Variants in DNAAF5 observed in about 807,000 individuals in gnomAD.
DNAAF5 encodes dynein axonemal assembly factor 5, also known as HEAT repeat containing 2.
DNAAF5 carries 64 observed loss-of-function variants against 75.8 expected under a neutral mutation model. The ratio of observed to expected loss-of-function variants is 0.84; its 90% confidence interval spans 0.69 to 1.04. The LOEUF (loss-of-function observed/expected upper bound fraction) is 1.04, where lower values mean the gene tolerates loss of function less well. Among genes scored for constraint, DNAAF5 ranks in the 50% least tolerant of loss-of-function variants. The pLI is 0.00. For synonymous variants in DNAAF5, 657 were observed against 557.2 expected (o/e 1.18, Z -2.52); for missense variants, 1,269 against 1,178.5 (o/e 1.08, Z -1.12).
intron 4 of DNAAF5, among the ~76,000 whole-genome samples, chr7:749,229 A>G (rs1782214820): frequency 6.6e-6 from 1 of 152,222 alleles, no homozygotes; most frequent in South Asian, 2.1e-4. Flanking sequence ...TGTATCTGAC[A>G]ATCACACTGC....
At chr7:780,223 G>A in intron 12 of DNAAF5, 79 bp downstream of exon 12, 4 of 1,401,688 alleles carry the variant, frequency 2.9e-6, no homozygotes. Context: ...TGAGCCGTGT[G>A]ACCGGCCACA....
intron 12 of DNAAF5, among the ~76,000 whole-genome samples, chr7:780,540 A>G (rs1778901645): frequency 6.6e-6 from 1 of 152,262 alleles, no homozygotes; most frequent in African/African-American, 2.4e-5. Context: ...CACATCTTCC[A>G]TACAGTCAGT....
At position 743,126 on chromosome 7, in the gene DNAAF5, G is replaced by T. The variant is rs191624851; in HGVS notation, c.1024+1661G>T. On this transcript the variant is annotated intron_variant, in intron 4 of 12. Transcript: ENST00000297440. ...ACGCCTGTATCCCAACTACGCGGGG[G>T]GCCAGGGTGGGAGGATCACCTGAGC... 1.7e-3 allele frequency among the ~76,000 whole-genome samples: 257 copies of T among 152,310 alleles called. 2 individuals carry two copies. The highest frequency in any genetic ancestry group is 5.5e-3 in the African/African-American group (229 of 41,562).
At chr7:757,091 G>A (rs546077605) in intron 6 of DNAAF5, 97 bp downstream of exon 6, 37 of 1,205,094 alleles carry the variant, frequency 3.1e-5, no homozygotes, top group Admixed American at 2.6e-4. Context: ...GCCCTGTGCC[G>A]CCAGGCTGGG....
intron 9 of DNAAF5, chr7:770,902 T>G (rs1309725543): frequency 8.3e-6 from 3 of 363,400 alleles, no homozygotes; most frequent in Admixed American, 3.9e-5. Context: ...GAGGTGGGCG[T>G]GTGCAGTGAC....
At chr7:783,315 T>C (rs950620398) in intron 12 of DNAAF5, among the ~76,000 whole-genome samples, 4 of 151,916 alleles carry the variant, frequency 2.6e-5, no homozygotes, top group African/African-American at 9.7e-5. Flanking sequence ...TGAGGGTGAG[T>C]GTGGCAGGTG....
rs961693810 is a variant in DNAAF5 at position 768,998 on chromosome 7, C to T, written c.1784-1473C>T. On this transcript the variant is annotated intron_variant, in intron 8 of 12. Transcript: ENST00000297440. ...CGTCCCAGCAGCTTCGGTGCAACGC[C>T]TCCTGCCCGGCTGCGTGGGGAGGCC... 1.2e-5 allele frequency: 7 copies of T among 607,822 alleles called. No homozygotes were observed. The East Asian group carries it at 1.4e-4, about 12-fold the overall frequency. The allele number at this position is 607,822 out of a possible 1,614,324, so 37.7% of individuals were successfully genotyped here.
chr7:764,187 T>G (rs1782751962), intron 8 of DNAAF5, among the ~76,000 whole-genome samples: 1 of 152,246 alleles, frequency 6.6e-6, no homozygotes, highest in Non-Finnish European at 1.5e-5. Context: ...CTCTTCCACT[T>G]GGCCCGGGCA....
At chr7:765,626 C>T (rs1298842098) in intron 8 of DNAAF5, among the ~76,000 whole-genome samples, 1 of 152,234 alleles carries the variant, frequency 6.6e-6, no homozygotes, top group Non-Finnish European at 1.5e-5. Flanking sequence ...CCCACATCTC[C>T]TGTCATTCAC....
In DNAAF5 at chr7:770,624, T is replaced by A. The variant is rs754623003; in HGVS notation, c.1931+6T>A. On this transcript the variant is annotated splice_donor_region_variant and intron_variant, in intron 9 of 12. Coordinates refer to ENST00000297440, the MANE Select transcript of DNAAF5 (RefSeq NM_017802.4). Reference sequence around the variant, plus strand: ...GACACCATCAACTCCCAGGGGTAGGTCCGGGCTCTGCCTCTGCACGGCCCC... The same window carrying A: ...GACACCATCAACTCCCAGGGGTAGGACCGGGCTCTGCCTCTGCACGGCCCC... The A allele has an allele frequency of 1.9e-6, 3 of 1,612,510 alleles. No homozygotes were observed. The highest frequency in any genetic ancestry group is 2.5e-6 in the Non-Finnish European group (3 of 1,179,582).
At chr7:770,984 G>A (rs1778545656) in intron 9 of DNAAF5, 1 of 29,710 alleles carries the variant, frequency 3.4e-5, no homozygotes, top group Non-Finnish European at 8.1e-5. Context: ...GGCAGGGAAT[G>A]CACAGAGAAG....
intron 7 of DNAAF5, among the ~76,000 whole-genome samples, chr7:762,490 CAA>C (rs533430102): frequency 6.1e-5 from 8 of 131,208 alleles, no homozygotes; most frequent in Admixed American, 7.6e-5. Context: ...AGACTCCGTC[CAA>C]AAAAAAAAAA....
In DNAAF5 at chr7:785,821, T is replaced by C. The variant is rs1779128933; in HGVS notation, c.*168T>C. 2 of 684,764 alleles carry C rather than the reference T, an allele frequency of 2.9e-6. No homozygotes were observed. The highest frequency in any genetic ancestry group is 2.8e-5 in the East Asian group (1 of 35,560). 42.4% of individuals were successfully genotyped at this position (684,764 alleles called of 1,614,324 possible). On this transcript the variant is annotated 3_prime_UTR_variant, in exon 13 of 13. Transcript: ENST00000297440. Reference sequence around the variant, plus strand: ...TTTCCCTGGAATAACAGCCTCTGAGTGGATTCTGCATGTTATGTGATTTGT... The same window carrying C: ...TTTCCCTGGAATAACAGCCTCTGAGCGGATTCTGCATGTTATGTGATTTGT...
chr7:750,879 A>G (rs1782271215), intron 4 of DNAAF5: 1 of 167,040 alleles, frequency 6.0e-6, no homozygotes, highest in Admixed American at 6.5e-5. Flanking sequence ...GCGGATCGTC[A>G]TCAGGAAGAA....
In DNAAF5 at chr7:754,797, CGAG is replaced by C. The variant is rs749077184; in HGVS notation, c.1238_1240del (p.Glu413del). 6.8e-6 allele frequency: 11 copies of C among 1,606,720 alleles called. No homozygotes were observed. Among genetic ancestry groups the C allele is most frequent in the Non-Finnish European group, 8.5e-6 (10 of 1,174,898 alleles). On this transcript the variant is annotated inframe_deletion, in exon 5 of 13. Transcript: ENST00000297440. This position sits in a 1 kb window ranked among gnomAD's most constrained non-coding sequence, Gnocchi z 4.8. ...GGACCCTGTTCCAGGCCTGCACCGA[CGAG>C]GAGGCAGCCGTGGTCCAAAGTGTAA...
chr7:767,021 C>T (rs966234741), intron 8 of DNAAF5, among the ~76,000 whole-genome samples: 68 of 151,966 alleles, frequency 4.5e-4, no homozygotes, highest in Admixed American at 3.1e-3. Flanking sequence ...AGGCAGATCC[C>T]GATGTCAGGA....
intron 9 of DNAAF5, among the ~76,000 whole-genome samples, 191 bp from the exon 10 acceptor site, chr7:773,857 G>C (rs1042553171): frequency 3.9e-5 from 6 of 152,210 alleles, no homozygotes; most frequent in Non-Finnish European, 7.3e-5. Flanking sequence ...CTCCCCGGTA[G>C]GGTTGGGCCT....
chr7:742,465 A>AAT (rs1450977440), intron 4 of DNAAF5, among the ~76,000 whole-genome samples: 3 of 62,312 alleles, frequency 4.8e-5, no homozygotes, highest in East Asian at 3.9e-4. Flanking sequence ...AGCTCAAATC[A>AAT]CATGCCCAGC....
Position 754,432 on chromosome 7 carries a change from C to T in DNAAF5, c.1025-157C>T, listed in dbSNP as rs1335957906. ...GCACCGCCTCTGTGAATGTTCTGAA[C>T]GACGGGGCATTTGTCAGCTTTGCGT... On this transcript the variant is annotated intron_variant, in intron 4 of 12. Coordinates refer to ENST00000297440, the MANE Select transcript of DNAAF5 (RefSeq NM_017802.4). This position sits in a 1 kb window ranked among gnomAD's most constrained non-coding sequence, Gnocchi z 4.8. Among the ~76,000 whole-genome samples, 1 of 152,148 alleles carries T rather than the reference C, an allele frequency of 6.6e-6. No homozygotes were observed. The highest frequency in any genetic ancestry group is 1.5e-5 in the Non-Finnish European group (1 of 68,024).
Sources: gnomAD v4.1 joint callset for allele counts (sites outside exome capture counted in the v4.1 genomes callset) on GRCh38, gnomAD v4.1.1 for gene constraint, Gnocchi (gnomAD v3.1) non-coding constraint, MANE v1.5 for transcripts, NCBI Gene and HGNC (gene_info 2026-07-23, HGNC 2026-07-21) for gene names.